TSEN2: variants seen among roughly 807,000 people sequenced by gnomAD.
TSEN2 encodes the protein tRNA-splicing endonuclease subunit Sen2.
TSEN2 carries 54 observed loss-of-function variants against 59.2 expected under a neutral mutation model. The ratio of observed to expected loss-of-function variants is 0.91; its 90% CI spans 0.73 to 1.14. The LOEUF is 1.14. TSEN2 is among the 50% of genes most tolerant of loss of function. The pLI, the probability that TSEN2 is intolerant of heterozygous loss-of-function variation, is 0.00. For synonymous variants in TSEN2, 195 were observed against 198.2 expected (o/e 0.98, Z 0.14); for missense variants, 636 against 576.2 (o/e 1.10, Z -1.06).
intron 8 of TSEN2, among the ~76,000 whole-genome samples, chr3:12,520,299 A>G (rs2056530506): frequency 6.6e-6 from 1 of 152,054 alleles, no homozygotes; most frequent in African/African-American, 2.4e-5. Flanking sequence ...TGCCGGCCGT[A>G]TTGTCTTCAT....
In TSEN2 at chr3:12,505,089, A is replaced by G. The variant is rs1396049055; in HGVS notation, c.832-65A>G. 1.1e-5 allele frequency: 10 copies of G among 936,286 alleles called. No homozygotes were observed. In the East Asian group the frequency reaches 2.4e-4, roughly 23 times the overall value. 58.0% of individuals were successfully genotyped at this position (936,286 alleles called of 1,614,324 possible). On this transcript the variant is annotated intron_variant, in intron 5 of 11. Transcript: ENST00000284995. ...TTATAAGAAAAATGTTCATTTTAAA[A>G]TACATTCTCTATGACATGTAGTGCT...
chr3:12,516,718 G>A lies in TSEN2; in HGVS notation c.960+57G>A, dbSNP rs112946340. ...AAAATTTCCCTGTTGTTAAAAGCAGGTTGTACTAATTTCTATATTGCATTA... is the reference window on the plus strand; with the variant it reads ...AAAATTTCCCTGTTGTTAAAAGCAGATTGTACTAATTTCTATATTGCATTA... On this transcript the variant is annotated intron_variant, in intron 7 of 11. Coordinates refer to ENST00000284995, the MANE Select transcript of TSEN2 (RefSeq NM_025265.4). 1,415 of 1,502,010 alleles carry A rather than the reference G, an allele frequency of 9.4e-4. 6 individuals carry two copies. In the African/African-American group the frequency reaches 0.017, roughly 18 times the overall value. 93.0% of individuals were successfully genotyped at this position (1,502,010 alleles called of 1,614,324 possible).
chr3:12,480,528 G>GTTTTTTTTTTTTTTTTTTTTTTTTTTTT (rs752340308), upstream of TSEN2, among the ~76,000 whole-genome samples: 5 of 91,738 alleles, frequency 5.5e-5, no homozygotes, highest in Non-Finnish European at 8.3e-5. Context: ...TTGTTTCTTT[G>GTTTTTTTTTTTTTTTTTTTTTTTTTTTT]TTTTTTTTTT....
At position 12,503,752 on chromosome 3, in the gene TSEN2, A is replaced by G. The variant is rs752448133; in HGVS notation, c.799A>G (p.Met267Val). ...YVLVEEAECAMSEREAAPNEE... is the reference protein window; with the variant it reads ...YVLVEEAECAVSEREAAPNEE... ...GCTGGTCGAGGAAGCGGAGTGTGCC[A>G]TGAGCGAGAGGGAGGCTGCCCCAAA... Residue 267 changes from methionine to valine, a missense_variant, in exon 5 of 12, where the codon ATG (methionine) becomes GTG (valine). Transcript: ENST00000284995. 6.2e-6 allele frequency: 10 copies of G among 1,614,128 alleles called. No individual in the cohort carries two copies. The East Asian group carries it at 1.3e-4, about 22-fold the overall frequency.
chr3:12,526,244 A>T (rs1483171783), intron 8 of TSEN2, among the ~76,000 whole-genome samples: 1 of 152,208 alleles, frequency 6.6e-6, no homozygotes, highest in African/African-American at 2.4e-5. Context: ...AGTAGCACAC[A>T]GTACTGTCCT....
intron 4 of TSEN2, among the ~76,000 whole-genome samples, chr3:12,500,383 C>T (rs887029393): frequency 6.6e-6 from 1 of 152,144 alleles, no homozygotes; most frequent in Non-Finnish European, 1.5e-5. Flanking sequence ...CTTTTCATAG[C>T]GATCCTCTGA....
Position 12,503,605 on chromosome 3 carries a change from C to G in TSEN2, c.652C>G (p.Pro218Ala), listed in dbSNP as rs767535564. The change falls in exon 5 of 12, where the codon CCC becomes GCC. Residue 218 changes from proline (P) to alanine (A), a missense_variant. Physicochemically the swap from Pro to Ala is conservative, Grantham distance 27. Coordinates refer to ENST00000284995, the MANE Select transcript of TSEN2 (RefSeq NM_025265.4). ...CGTGCGAGAGGATGCCTCACCTCTGCCCCATGTCTGTTGCTGCAAACAAGA... is the reference window on the plus strand; with the variant it reads ...CGTGCGAGAGGATGCCTCACCTCTGGCCCATGTCTGTTGCTGCAAACAAGA... ...KSVREDASPL[P>A]HVCCCKQDAL... 3.1e-6 allele frequency: 5 copies of G among 1,595,886 alleles called. No homozygotes were observed. In the Admixed American group the frequency reaches 8.5e-5, roughly 27 times the overall value.
At chr3:12,537,569 G>A (rs1031821234), downstream of TSEN2, among the ~76,000 whole-genome samples, 1 of 152,028 alleles carries the variant, frequency 6.6e-6, no homozygotes, top group African/African-American at 2.4e-5. Flanking sequence ...CTTCTCTAAT[G>A]ATGGCAAAGT....
chr3:12,532,641 C>T, intron 11 of TSEN2, 21 bp from the exon 12 acceptor site: 1 of 1,581,610 alleles, frequency 6.3e-7, no homozygotes, highest in East Asian at 2.3e-5. Flanking sequence ...AAGAAATGGT[C>T]TTTTTTTTTA....
In TSEN2 at chr3:12,496,540, C is replaced by T. The variant is rs551723293; in HGVS notation, c.294C>T (p.Ile98=). The change falls in exon 4 of 12, where the codon ATC becomes ATT. Residue 98 remains isoleucine, a synonymous_variant. Coordinates refer to ENST00000284995, the MANE Select transcript of TSEN2 (RefSeq NM_025265.4). ...KWKDMKTNMP[I]ITSKRYQHSV... ...CAGATATGAAGACAAACATGCCTAT[C>T]ATCACATCAAAGAGGTAAGTCATAA... The T allele has an allele frequency of 6.2e-7, 1 of 1,614,108 alleles. No individual in the cohort carries two copies. The highest frequency in any genetic ancestry group is 2.2e-5 in the East Asian group (1 of 44,870).
chr3:12,490,276 A>G (rs1432020213), intron 2 of TSEN2, among the ~76,000 whole-genome samples: 1 of 152,218 alleles, frequency 6.6e-6, no homozygotes, highest in Non-Finnish European at 1.5e-5. Flanking sequence ...TGTAAAAGCA[A>G]TGCATGTTTG....
At chr3:12,488,046 C>G (rs909401555) in intron 1 of TSEN2, among the ~76,000 whole-genome samples, 11 of 152,182 alleles carry the variant, frequency 7.2e-5, no homozygotes, top group African/African-American at 2.7e-4. Context: ...CTGTGTTTTT[C>G]TGTGTCCTCA....
chr3:12,535,308 A>G (rs965872882), downstream of TSEN2, among the ~76,000 whole-genome samples: 2 of 152,146 alleles, frequency 1.3e-5, no homozygotes, highest in African/African-American at 4.8e-5. Context: ...ACCGAGGCCC[A>G]TTTCTAAAGT....
chr3:12,526,418 T>C (rs1018773174), intron 8 of TSEN2, among the ~76,000 whole-genome samples: 1 of 152,182 alleles, frequency 6.6e-6, no homozygotes, highest in Non-Finnish European at 1.5e-5. Flanking sequence ...CATTGTGTTA[T>C]AATTGTCTAC....
chr3:12,520,562 G>A (rs1485548599), intron 8 of TSEN2, among the ~76,000 whole-genome samples: 1 of 152,152 alleles, frequency 6.6e-6, no homozygotes, highest in Non-Finnish European at 1.5e-5. Context: ...GGCCGAGGCG[G>A]GCAGATCGCT....
intron 4 of TSEN2, among the ~76,000 whole-genome samples, chr3:12,502,190 A>T (rs1173409075): frequency 3.3e-5 from 5 of 152,220 alleles, no homozygotes; most frequent in Non-Finnish European, 7.3e-5. Flanking sequence ...AATGCTAAAC[A>T]AGTTATTTGT....
rs906226389 is a variant in TSEN2 at position 12,503,742 on chromosome 3, G to A, written c.789G>A (p.Ala263=). 2.0e-5 allele frequency: 32 copies of A among 1,614,030 alleles called. No individual in the cohort carries two copies. Among genetic ancestry groups the A allele is most frequent in the African/African-American group, 5.3e-5 (4 of 75,038 alleles). Residue 263 remains alanine, a synonymous_variant, in exon 5 of 12, where the codon GCG becomes GCA. Transcript: ENST00000284995. ...ATGAGTACGTGCTGGTCGAGGAAGC[G>A]GAGTGTGCCATGAGCGAGAGGGAGG... ...PDHEYVLVEE[A]ECAMSEREAA...
chr3:12,530,049 G>T, intron 10 of TSEN2, 176 bp downstream of exon 10: 1 of 1,440,306 alleles, frequency 6.9e-7, no homozygotes, highest in South Asian at 1.5e-5. Flanking sequence ...GCTAGAAGTT[G>T]TCCTCCCCTC....
At chr3:12,535,445 A>G (rs2125274508), downstream of TSEN2, among the ~76,000 whole-genome samples, 1 of 152,294 alleles carries the variant, frequency 6.6e-6, no homozygotes, top group East Asian at 1.9e-4. Flanking sequence ...TGCAAGTATG[A>G]TCTCTTAAGT....
Sources: gnomAD v4.1 joint callset for allele counts (sites outside exome capture counted in the v4.1 genomes callset) on GRCh38, gnomAD v4.1.1 for gene constraint, MANE v1.5 for transcripts, NCBI Gene and HGNC (gene_info 2026-07-23, HGNC 2026-07-21) for gene names.